ATF6: variants seen among roughly 807,000 people sequenced by gnomAD.
ATF6 encodes cyclic AMP-dependent transcription factor ATF-6 alpha.
ATF6 carries 53 observed loss-of-function variants against 83.6 expected under a neutral mutation model. That is an observed-to-expected ratio of 0.63 (90% CI 0.51 to 0.80). The LOEUF (loss-of-function observed/expected upper bound fraction) is 0.80, where lower values mean the gene tolerates loss of function less well. ATF6 is among the 30% of genes least tolerant of loss of function. The pLI is 0.00. For synonymous variants in ATF6, 288 were observed against 285.8 expected (o/e 1.01, Z -0.08); for missense variants, 744 against 797.9 (o/e 0.93, Z 0.81).
intron 9 of ATF6, among the ~76,000 whole-genome samples, chr1:161,839,302 A>T (rs575326565): frequency 6.6e-5 from 10 of 152,348 alleles, no homozygotes; most frequent in Non-Finnish European, 1.0e-4. Flanking sequence ...GGGATAAAGT[A>T]TAGTAGGGTA....
chr1:161,917,091 C>G (rs1688115969), intron 15 of ATF6, among the ~76,000 whole-genome samples: 1 of 152,192 alleles, frequency 6.6e-6, no homozygotes, highest in African/African-American at 2.4e-5. Flanking sequence ...GCCCCTGGAA[C>G]AGTACCTGGT....
chr1:161,911,456 T>A (rs1687990449), intron 14 of ATF6, among the ~76,000 whole-genome samples: 1 of 152,236 alleles, frequency 6.6e-6, no homozygotes, highest in Non-Finnish European at 1.5e-5. Context: ...GAAGCCAAGC[T>A]TCTCTTGGCT....
chr1:161,909,800 C>T (rs1687953364), intron 14 of ATF6, among the ~76,000 whole-genome samples: 1 of 151,928 alleles, frequency 6.6e-6, no homozygotes, highest in South Asian at 2.1e-4. Context: ...ACTAAAAATA[C>T]AAAAAATTAG....
intron 7 of ATF6, among the ~76,000 whole-genome samples, chr1:161,815,135 T>C (rs1346728819): frequency 6.6e-6 from 1 of 151,912 alleles, no homozygotes; most frequent in Non-Finnish European, 1.5e-5. Context: ...CTGACTTGAG[T>C]TTACATGAGA....
chr1:161,841,896 G>A (rs1057047923), intron 9 of ATF6, among the ~76,000 whole-genome samples: 3 of 152,160 alleles, frequency 2.0e-5, no homozygotes, highest in Non-Finnish European at 4.4e-5. Flanking sequence ...CCTGGATACA[G>A]ATGGGATAGA....
chr1:161,842,388 G>A (rs774739309), intron 9 of ATF6, among the ~76,000 whole-genome samples: 20 of 152,058 alleles, frequency 1.3e-4, no homozygotes, highest in Non-Finnish European at 2.1e-4. Flanking sequence ...AAAAGAGGTC[G>A]TTAAACAAAA....
At chr1:161,770,391 A>G (rs1684356369) in intron 1 of ATF6, among the ~76,000 whole-genome samples, 2 of 152,316 alleles carry the variant, frequency 1.3e-5, no homozygotes, top group Non-Finnish European at 2.9e-5. Flanking sequence ...GGTTTAAACA[A>G]TGGAAATTTA....
rs141055023 is a variant in ATF6, at chr1:161,957,686, C to T, written c.1805-760C>T. Reference sequence around the variant, plus strand: ...AAAGCATGACTCTATATGGTTTTCCCATTCCCTTCTGTAAATATTCTCTAG... The same window carrying T: ...AAAGCATGACTCTATATGGTTTTCCTATTCCCTTCTGTAAATATTCTCTAG... On this transcript the variant is annotated intron_variant, in intron 15 of 15. Transcript: ENST00000367942. 2.6e-3 allele frequency among the ~76,000 whole-genome samples: 401 copies of T among 152,318 alleles called. 1 individual carries two copies. The highest frequency in any genetic ancestry group is 9.1e-3 in the African/African-American group (379 of 41,576).
chr1:161,934,768 C>T (rs1203800006), intron 15 of ATF6, among the ~76,000 whole-genome samples: 2 of 152,182 alleles, frequency 1.3e-5, no homozygotes, highest in East Asian at 3.8e-4. Context: ...GATCATTCTA[C>T]CACTGAGAGC....
At position 161,796,924 on chromosome 1, in the gene ATF6, T is replaced by G. The variant is rs532370223; in HGVS notation, c.688+4597T>G. The stretch of plus-strand genomic sequence containing the variant: ...GCACTTGGGAATTCTTGTTTTTTGG[T>G]TTTTTTTTTCACATTATGATAAATA... On this transcript the variant is annotated intron_variant, in intron 6 of 15. Transcript: ENST00000367942. Among the ~76,000 whole-genome samples the G allele has an allele frequency of 1.3e-4, 16 of 119,236 alleles. No homozygotes were observed. In the East Asian group the frequency reaches 2.5e-3, roughly 18 times the overall value. The allele number at this position is 119,236 out of a possible 152,430, so 78.2% of individuals were successfully genotyped here. A position where few individuals can be genotyped will look rare whatever the true frequency, so the allele number is the denominator to read the frequency against.
At chr1:161,791,348 T>C (rs576984963) in intron 4 of ATF6, 60 bp from the exon 5 acceptor site, 12 of 1,475,958 alleles carry the variant, frequency 8.1e-6, no homozygotes, top group Middle Eastern at 2.0e-4. Context: ...CTCCTCCTTT[T>C]CTATGCAATT....
At chr1:161,851,121 G>A (rs1686607512) in intron 10 of ATF6, among the ~76,000 whole-genome samples, 1 of 145,294 alleles carries the variant, frequency 6.9e-6, no homozygotes, top group South Asian at 2.2e-4. Context: ...AGCATTTTAT[G>A]TCTCACCCTA....
intron 7 of ATF6, 105 bp downstream of exon 7, chr1:161,802,377 A>T: frequency 1.1e-6 from 1 of 948,592 alleles, no homozygotes; most frequent in Non-Finnish European, 1.6e-6. Flanking sequence ...AGAGTTTCTT[A>T]TATTGCATCA....
At position 161,849,559 on chromosome 1, in the gene ATF6, T is replaced by C. The variant is rs1005543519; in HGVS notation, c.1320-2163T>C. Among the ~76,000 whole-genome samples, 3 of 152,212 alleles carry C rather than the reference T, an allele frequency of 2.0e-5. No homozygotes were observed. The East Asian group carries it at 5.8e-4, about 29-fold the overall frequency. ...TGGGTCATTTGCTCCTTGAAAGACT[T>C]TCCTTTTGTGTTACTATGGTTTTTT... On this transcript the variant is annotated intron_variant, in intron 10 of 15. Transcript: ENST00000367942.
chr1:161,865,160 CT>C (rs773968112), intron 14 of ATF6, among the ~76,000 whole-genome samples: 73 of 145,952 alleles, frequency 5.0e-4, no homozygotes, highest in Admixed American at 6.1e-4. Flanking sequence ...ACAATCCTAG[CT>C]TTTTTTTTTT....
At chr1:161,853,201 A>C (rs768664857) in intron 11 of ATF6, 23 bp from the exon 12 acceptor site, 1 of 1,423,794 alleles carries the variant, frequency 7.0e-7, no homozygotes, top group Non-Finnish European at 9.7e-7. Context: ...TCTATGTTTA[A>C]TTAATTAAAC....
intron 10 of ATF6, among the ~76,000 whole-genome samples, chr1:161,848,945 T>G (rs1686547550): frequency 6.6e-6 from 1 of 152,076 alleles, no homozygotes; most frequent in Non-Finnish European, 1.5e-5. Flanking sequence ...TTTTTTTTTT[T>G]TTCCAAAGAA....
At chr1:161,903,632 T>C (rs1438746431) in intron 14 of ATF6, among the ~76,000 whole-genome samples, 2 of 152,246 alleles carry the variant, frequency 1.3e-5, no homozygotes, top group African/African-American at 4.8e-5. Context: ...TGAACACTTA[T>C]AAGTGTTGAA....
At chr1:161,832,690 C>T (rs962297083) in intron 9 of ATF6, among the ~76,000 whole-genome samples, 10 of 152,304 alleles carry the variant, frequency 6.6e-5, no homozygotes, top group East Asian at 3.9e-4. Context: ...AACTGCAAGG[C>T]GGCAGCGAGG....
Sources: allele counts gnomAD v4.1 joint callset (sites outside exome capture counted in the v4.1 genomes callset), GRCh38; gene constraint gnomAD v4.1.1; transcripts MANE v1.5; gene names NCBI Gene and HGNC (gene_info 2026-07-23, HGNC 2026-07-21).